The following FAM177A1 variants were observed in gnomAD, a reference collection of about 807,000 sequenced individuals.
The protein encoded by FAM177A1 is protein FAM177A1.
Under a neutral mutation model 26.1 loss-of-function variants are expected in FAM177A1, and 22 were observed. The ratio of observed to expected loss-of-function variants is 0.84; its 90% CI spans 0.60 to 1.20. FAM177A1 has a LOEUF of 1.20. FAM177A1 is among the 50% of genes most tolerant of loss of function. The probability of loss-of-function intolerance (pLI) is 0.00; values close to 1 mark genes in which losing one functional copy is unlikely to be tolerated. For missense variants in FAM177A1, 296 were observed against 291.1 expected, an observed-to-expected ratio of 1.02 and a Z score of -0.12; for synonymous variants, 95 against 99.3, an observed-to-expected ratio of 0.96 and a Z score of 0.26.
chr14:35,050,753 A>G (rs1009782222), intron 1 of FAM177A1: 2 of 152,210 alleles, frequency 1.3e-5, no homozygotes, highest in African/African-American at 4.8e-5. Context: ...CTGGAGATCT[A>G]ACTTAGCTCA....
chr14:35,046,827 T>G, intron 1 of FAM177A1, 199 bp downstream of exon 1: 1 of 1,364,898 alleles, frequency 7.3e-7, no homozygotes, highest in Non-Finnish European at 9.4e-7. Context: ...CACCAACCCC[T>G]TGGCTGGCAG....
chr14:35,046,750 T>A (rs978135830), intron 1 of FAM177A1, 122 bp downstream of exon 1: 1 of 1,411,458 alleles, frequency 7.1e-7, no homozygotes, highest in East Asian at 2.8e-5. Flanking sequence ...TTGGAGTTCC[T>A]CCTCACTGCA....
intron 1 of FAM177A1, among the ~76,000 whole-genome samples, chr14:35,051,892 T>G (rs532347221): frequency 1.3e-5 from 2 of 152,348 alleles, no homozygotes; most frequent in African/African-American, 4.8e-5. Context: ...GTTCACTGTT[T>G]TTATCAGTAT....
intron 2 of FAM177A1, among the ~76,000 whole-genome samples, chr14:35,066,858 A>G (rs1462324053): frequency 6.6e-6 from 1 of 151,102 alleles, no homozygotes; most frequent in African/African-American, 2.4e-5. Context: ...CAATGGCACA[A>G]TCTCAGCTCA....
chr14:35,078,600 C>T (rs1021477621), intron 3 of FAM177A1, among the ~76,000 whole-genome samples: 1 of 152,188 alleles, frequency 6.6e-6, no homozygotes, highest in Non-Finnish European at 1.5e-5. Context: ...GATTTGCCTG[C>T]CTCAGCCTCC....
intron 2 of FAM177A1, chr14:35,054,898 AC>A (rs1450148327): frequency 6.6e-6 from 1 of 152,066 alleles, no homozygotes; most frequent in East Asian, 1.9e-4. Flanking sequence ...AATCGCTTGA[AC>A]CCAGGAGGCG....
At position 35,082,715 on chromosome 14, in the gene FAM177A1, T is replaced by C. The variant is rs2045504647; in HGVS notation, c.*1487T>C. ...CAAAGCTTTCAGAAATTAATAGTTATATTAATAGCCTTCTAAACAGCATTA... is the reference window on the plus strand; with the variant it reads ...CAAAGCTTTCAGAAATTAATAGTTACATTAATAGCCTTCTAAACAGCATTA... On this transcript the variant is annotated 3_prime_UTR_variant, in exon 5 of 5. Transcript: ENST00000280987. The C allele has an allele frequency of 6.6e-6, 1 of 152,218 alleles. No individual in the cohort carries two copies. Among genetic ancestry groups the C allele is most frequent in the African/African-American group, 2.4e-5 (1 of 41,458 alleles). The allele number at this position is 152,218 out of a possible 1,614,324, so 9.4% of individuals were successfully genotyped here.
intron 2 of FAM177A1, among the ~76,000 whole-genome samples, chr14:35,069,504 C>T (rs371257662): frequency 6.6e-6 from 1 of 151,982 alleles, no homozygotes; most frequent in Non-Finnish European, 1.5e-5. Context: ...AGGCTGGTCT[C>T]GAACTCCCAA....
intron 2 of FAM177A1, 40 bp downstream of exon 2, chr14:35,053,491 G>A: frequency 3.1e-6 from 5 of 1,596,076 alleles, no homozygotes; most frequent in Non-Finnish European, 3.4e-6. Flanking sequence ...AGTGGGCTTT[G>A]TTTTGATTTA....
intron 2 of FAM177A1, among the ~76,000 whole-genome samples, chr14:35,059,523 G>GCATTTA (rs2045116004): frequency 1.3e-5 from 2 of 149,134 alleles, no homozygotes; most frequent in African/African-American, 4.9e-5. Context: ...TTCTACAGAA[G>GCATTTA]CATTTACATT....
At chr14:35,064,001 CCACCCT>C (rs1446651784) in intron 2 of FAM177A1, among the ~76,000 whole-genome samples, 2 of 144,920 alleles carry the variant, frequency 1.4e-5, no homozygotes, top group Non-Finnish European at 3.0e-5. Context: ...TGAGCAGAGA[CCACCCT>C]ACTGTGCTCC....
intron 1 of FAM177A1, 189 bp downstream of exon 1, chr14:35,046,817 C>T (rs948202884): frequency 3.6e-5 from 49 of 1,373,108 alleles, no homozygotes; most frequent in Non-Finnish European, 4.5e-5. Flanking sequence ...CCGCCTCACT[C>T]ACCAACCCCT....
intron 2 of FAM177A1, among the ~76,000 whole-genome samples, chr14:35,058,713 A>G (rs1466636225): frequency 6.6e-6 from 1 of 152,068 alleles, no homozygotes; most frequent in Non-Finnish European, 1.5e-5. Flanking sequence ...TGTCTCTACA[A>G]AAGATAAAAA....
In FAM177A1 at chr14:35,046,345, A is replaced by G; in HGVS notation, c.-119A>G. The G allele has an allele frequency of 1.6e-6, 2 of 1,225,784 alleles. No individual in the cohort carries two copies. The highest frequency in any genetic ancestry group is 2.1e-6 in the Non-Finnish European group (2 of 931,242). The allele number at this position is 1,225,784 out of a possible 1,614,324, so 75.9% of individuals were successfully genotyped here. A position where few individuals can be genotyped will look rare whatever the true frequency, so the allele number is the denominator to read the frequency against. ...GAGGCGCGGGCTGGCCCCGCCCCTCAGGCCGGCGAGTCCCCTTCTCAGAGA... is the reference window on the plus strand; with the variant it reads ...GAGGCGCGGGCTGGCCCCGCCCCTCGGGCCGGCGAGTCCCCTTCTCAGAGA... On this transcript the variant is annotated 5_prime_UTR_variant, in exon 1 of 5. Coordinates refer to ENST00000280987, the MANE Select transcript of FAM177A1 (RefSeq NM_173607.5).
intron 3 of FAM177A1, among the ~76,000 whole-genome samples, chr14:35,077,784 A>C (rs971192967): frequency 1.3e-5 from 2 of 152,116 alleles, no homozygotes; most frequent in African/African-American, 4.8e-5. Flanking sequence ...GCCCGGCCTC[A>C]AGTTCTTAAA....
chr14:35,067,349 A>G (rs1290778533), intron 2 of FAM177A1, among the ~76,000 whole-genome samples: 1 of 152,212 alleles, frequency 6.6e-6, no homozygotes, highest in Non-Finnish European at 1.5e-5. Context: ...ACGTTGCACA[A>G]ATGACAGAAT....
intron 2 of FAM177A1, among the ~76,000 whole-genome samples, chr14:35,076,205 A>G (rs866134713): frequency 4.6e-5 from 7 of 152,346 alleles, no homozygotes; most frequent in South Asian, 2.1e-4. Flanking sequence ...ATGTCCATCA[A>G]TGATAGACTG....
intron 4 of FAM177A1, among the ~76,000 whole-genome samples, chr14:35,079,518 A>T (rs1279320779): frequency 3.9e-5 from 6 of 152,174 alleles, no homozygotes; most frequent in Non-Finnish European, 8.8e-5. Flanking sequence ...TTAAAAAATA[A>T]AAGCCTTTAG....
chr14:35,066,400 G>A (rs1184222030), intron 2 of FAM177A1, among the ~76,000 whole-genome samples: 2 of 146,980 alleles, frequency 1.4e-5, no homozygotes, highest in South Asian at 2.2e-4. Context: ...AGTAGTAAAA[G>A]AGCATCTTTT....
Sources: gnomAD v4.1 joint callset for allele counts (sites outside exome capture counted in the v4.1 genomes callset) on GRCh38, gnomAD v4.1.1 for gene constraint, MANE v1.5 for transcripts, NCBI Gene and HGNC (gene_info 2026-07-23, HGNC 2026-07-21) for gene names.